The following ZNF354C variants were observed in gnomAD, a reference collection of about 807,000 sequenced individuals.
ZNF354C encodes KRAB-zinc finger protein synten.
Under a neutral mutation model 12.4 loss-of-function variants are expected in ZNF354C, and 7 were observed. The observed-to-expected ratio is 0.56, with a 90% CI of 0.32 to 1.06. ZNF354C has a LOEUF of 1.06. Among genes scored for constraint, ZNF354C ranks in the 50% least tolerant of loss-of-function variants. The pLI is 0.04. For synonymous variants in ZNF354C, 202 were observed against 224.5 expected (o/e 0.90, Z 0.90); for missense variants, 609 against 658.0 (o/e 0.93, Z 0.81).
chr5:179,072,989 G>T (rs894110374), intron 2 of ZNF354C, among the ~76,000 whole-genome samples: 5 of 152,052 alleles, frequency 3.3e-5, no homozygotes, highest in African/African-American at 1.2e-4. Context: ...CTACCATATT[G>T]GGGAAAGTCA....
chr5:179,079,615 C>T lies in ZNF354C; in HGVS notation c.1183C>T (p.Arg395Cys), dbSNP rs200207140. The T allele has an allele frequency of 4.2e-5, 68 of 1,614,020 alleles. No homozygotes were observed. Among genetic ancestry groups the T allele is most frequent in the South Asian group, 3.2e-4 (29 of 91,090 alleles). Residue 395 changes from arginine (R) to cysteine (C), a missense_variant, in exon 5 of 5, where the codon CGT becomes TGT. By Grantham distance (180) the Arg-to-Cys change is radical. Transcript: ENST00000315475. This position sits in a 1 kb window ranked among gnomAD's most constrained non-coding sequence, Gnocchi z 4.2. ...TCLECGRTFT[R>C]IVTLIEHQRI... ...CTTGGAATGTGGGAGAACCTTCACA[C>T]GTATTGTAACCCTTATCGAACATCA...
chr5:179,083,598 TGA>T lies in ZNF354C; in HGVS notation c.*3505_*3506del, dbSNP rs1434121459. 1 of 152,250 alleles carries T rather than the reference TGA, an allele frequency of 6.6e-6. No homozygotes were observed. The highest frequency in any genetic ancestry group is 2.4e-5 in the African/African-American group (1 of 41,462). The allele number at this position is 152,250 out of a possible 1,614,324, so 9.4% of individuals were successfully genotyped here. ...TTTATATTCTTAGGAAGTTCCTGTT[TGA>T]GAGTTTATCCTCCAGGGATGTAATC... On this transcript the variant is annotated 3_prime_UTR_variant, in exon 5 of 5. Transcript: ENST00000315475.
chr5:179,064,798 G>T (rs1761940657), intron 2 of ZNF354C, among the ~76,000 whole-genome samples: 1 of 152,096 alleles, frequency 6.6e-6, no homozygotes, highest in African/African-American at 2.4e-5. Flanking sequence ...CAGTGCAATG[G>T]TGATATCCAA....
intron 2 of ZNF354C, among the ~76,000 whole-genome samples, chr5:179,067,434 G>A (rs1237547749): frequency 1.3e-5 from 2 of 152,150 alleles, no homozygotes; most frequent in African/African-American, 4.8e-5. Context: ...CCACTGGACA[G>A]CTTCAAAGGA....
intron 2 of ZNF354C, among the ~76,000 whole-genome samples, chr5:179,062,846 C>A (rs1269792560): frequency 2.0e-5 from 3 of 152,150 alleles, no homozygotes; most frequent in East Asian, 1.9e-4. Flanking sequence ...GCTAGTTTAG[C>A]CTCTCTACCT....
chr5:179,079,785 C>A lies in ZNF354C; in HGVS notation c.1353C>A (p.Cys451Ter). 1 of 1,613,992 alleles carries A rather than the reference C, an allele frequency of 6.2e-7. No homozygotes were observed. Among genetic ancestry groups the A allele is most frequent in the Non-Finnish European group, 8.5e-7 (1 of 1,179,984 alleles). ...TCEECGKAFG[C>*]KSNLYRHQRI... Reference sequence around the variant, plus strand: ...AGGAATGTGGGAAAGCCTTTGGTTGCAAATCTAACCTTTATAGGCATCAGA... The same window carrying A: ...AGGAATGTGGGAAAGCCTTTGGTTGAAAATCTAACCTTTATAGGCATCAGA... Residue 451 changes from cysteine to a stop codon, truncating the protein, a stop_gained, in exon 5 of 5, where the codon TGC (cysteine) becomes TGA (stop). Transcript: ENST00000315475. LOFTEE classifies it low-confidence loss of function (END_TRUNC). The surrounding 1 kb of genome is among the most constrained non-coding windows in gnomAD (Gnocchi z 4.2).
At chr5:179,064,352 C>T (rs1002110982) in intron 2 of ZNF354C, among the ~76,000 whole-genome samples, 1 of 151,934 alleles carries the variant, frequency 6.6e-6, no homozygotes, top group African/African-American at 2.4e-5. Context: ...CTCCTGCGAT[C>T]CTCCTGCCTT....
intron 2 of ZNF354C, among the ~76,000 whole-genome samples, chr5:179,069,681 T>C (rs550968875): frequency 2.0e-5 from 3 of 149,206 alleles, no homozygotes; most frequent in East Asian, 2.0e-4. Context: ...CTGGCTAACA[T>C]GGCGAAACCC....
intron 1 of ZNF354C, 77 bp from the exon 2 acceptor site, chr5:179,061,938 T>C: frequency 1.0e-6 from 1 of 976,344 alleles, no homozygotes; most frequent in Non-Finnish European, 1.7e-6. Context: ...TGATGGACAT[T>C]ATGGGCGGTT....
intron 2 of ZNF354C, among the ~76,000 whole-genome samples, chr5:179,062,602 A>C (rs1581114218): frequency 6.6e-6 from 1 of 152,322 alleles, no homozygotes; most frequent in Non-Finnish European, 1.5e-5. Flanking sequence ...GAAATATCCC[A>C]GAAGTGGGGG....
intron 1 of ZNF354C, among the ~76,000 whole-genome samples, chr5:179,061,649 C>T (rs1005001385): frequency 1.3e-5 from 2 of 151,922 alleles, no homozygotes; most frequent in African/African-American, 4.8e-5. Flanking sequence ...AAGGGTGAGG[C>T]AGGGCAGGCA....
At chr5:179,065,756 C>T (rs1437272107) in intron 2 of ZNF354C, among the ~76,000 whole-genome samples, 3 of 152,076 alleles carry the variant, frequency 2.0e-5, no homozygotes, top group Middle Eastern at 3.4e-3. Context: ...TTGTGATTTG[C>T]GTGATGTTTT....
intron 4 of ZNF354C, among the ~76,000 whole-genome samples, 169 bp downstream of exon 4, chr5:179,077,335 C>T (rs958119538): frequency 6.6e-6 from 1 of 152,186 alleles, no homozygotes; most frequent in African/African-American, 2.4e-5. Context: ...TACCTAATTG[C>T]AGTTATCTAA....
In ZNF354C at chr5:179,078,719, A is replaced by C; in HGVS notation, c.287A>C (p.His96Pro). 1 of 1,610,880 alleles carries C rather than the reference A, an allele frequency of 6.2e-7. No individual in the cohort carries two copies. The highest frequency in any genetic ancestry group is 8.5e-7 in the Non-Finnish European group (1 of 1,179,162). ...KTWLETEALP[H>P]RQDIFIEETS... ...TGGCTTGAAACAGAAGCATTGCCTC[A>C]TAGACAGGACATTTTTATAGAAGAA... Residue 96 changes from histidine (H) to proline (P), a missense_variant, in exon 5 of 5, where the codon CAT becomes CCT. His to Pro is a moderately conservative substitution (Grantham distance 77). Coordinates refer to ENST00000315475, the MANE Select transcript of ZNF354C (RefSeq NM_014594.3).
intron 2 of ZNF354C, among the ~76,000 whole-genome samples, chr5:179,070,075 G>A (rs1328027488): frequency 6.6e-6 from 1 of 152,202 alleles, no homozygotes; most frequent in Non-Finnish European, 1.5e-5. Context: ...CGGTACAGCA[G>A]GAAGTGAACA....
In ZNF354C at chr5:179,078,800, A is replaced by G. The variant is rs1292392079; in HGVS notation, c.368A>G (p.Asn123Ser). 1.2e-6 allele frequency: 2 copies of G among 1,614,118 alleles called. No homozygotes were observed. Among genetic ancestry groups the G allele is most frequent in the East Asian group, 4.5e-5 (2 of 44,840 alleles). ...ESIKDGHWDINFEEAVEFESE... is the reference protein window; with the variant it reads ...ESIKDGHWDISFEEAVEFESE... Reference sequence around the variant, plus strand: ...ATTAAGGATGGTCACTGGGACATTAACTTTGAAGAAGCTGTGGAATTTGAG... The same window carrying G: ...ATTAAGGATGGTCACTGGGACATTAGCTTTGAAGAAGCTGTGGAATTTGAG... The change falls in exon 5 of 5, where the codon AAC becomes AGC. Residue 123 changes from asparagine to serine, a missense_variant. By Grantham distance (46) the Asn-to-Ser change is conservative. Transcript: ENST00000315475.
intron 2 of ZNF354C, among the ~76,000 whole-genome samples, chr5:179,066,714 G>A (rs1761962029): frequency 6.6e-6 from 1 of 152,146 alleles, no homozygotes; most frequent in African/African-American, 2.4e-5. Flanking sequence ...AAAATCCACT[G>A]TCATTCTTAT....
At chr5:179,061,268 C>A (rs1388046928) in intron 1 of ZNF354C, among the ~76,000 whole-genome samples, 1 of 152,174 alleles carries the variant, frequency 6.6e-6, no homozygotes, top group African/African-American at 2.4e-5. Context: ...CCCCAGGCAG[C>A]CTCTTCCCTT....
chr5:179,074,649 G>A lies in ZNF354C; in HGVS notation c.28-1796G>A, dbSNP rs138242697. Among the ~76,000 whole-genome samples, 877 of 152,294 alleles carry A rather than the reference G, an allele frequency of 5.8e-3. 6 individuals are homozygous for A. Among genetic ancestry groups the A allele is most frequent in the Non-Finnish European group, 8.7e-3 (591 of 68,020 alleles). ...AAATAAGGGAGACAGCACATGGAGT[G>A]TCTCTTGGCTTTCTAGTGCTTCCCT... On this transcript the variant is annotated intron_variant, in intron 2 of 4. Transcript: ENST00000315475.
Sources: gnomAD v4.1 joint callset for allele counts (sites outside exome capture counted in the v4.1 genomes callset) on GRCh38, gnomAD v4.1.1 for gene constraint, Gnocchi (gnomAD v3.1) non-coding constraint, MANE v1.5 for transcripts, NCBI Gene and HGNC (gene_info 2026-07-23, HGNC 2026-07-21) for gene names.